CLEC16A: variants seen among roughly 807,000 people sequenced by gnomAD.
The protein encoded by CLEC16A is C-type lectin domain containing 16A.
In CLEC16A, 51 loss-of-function variants were observed where a neutral mutation model predicts 109.5. The ratio of observed to expected loss-of-function variants is 0.47; its 90% CI spans 0.37 to 0.59. The LOEUF (loss-of-function observed/expected upper bound fraction) is 0.59, where lower values mean the gene tolerates loss of function less well. CLEC16A is among the 20% of genes least tolerant of loss of function. CLEC16A has a pLI of 0.00. For synonymous variants in CLEC16A, 673 were observed against 564.2 expected, an observed-to-expected ratio of 1.19 and a Z score of -2.73; for missense variants, 1,339 against 1,394.0, an observed-to-expected ratio of 0.96 and a Z score of 0.63.
chr16:11,017,742 C>T (rs2045843960), intron 11 of CLEC16A, among the ~76,000 whole-genome samples: 1 of 152,094 alleles, frequency 6.6e-6, no homozygotes, highest in African/African-American at 2.4e-5. Flanking sequence ...AAACCTGTAA[C>T]CCCAGTCTAA....
chr16:11,140,769 C>G (rs567288964), intron 22 of CLEC16A, among the ~76,000 whole-genome samples: 2 of 152,140 alleles, frequency 1.3e-5, no homozygotes, highest in African/African-American at 2.4e-5. Flanking sequence ...ACAGCCCTGC[C>G]GAGGAAGCCA....
At chr16:11,012,594 C>CAAAAAA (rs551902895) in intron 11 of CLEC16A, among the ~76,000 whole-genome samples, 20 of 67,932 alleles carry the variant, frequency 2.9e-4, no homozygotes, top group Middle Eastern at 0.019. Context: ...GACTCCGTCT[C>CAAAAAA]AAAAAAAAAA....
intron 2 of CLEC16A, among the ~76,000 whole-genome samples, chr16:10,958,114 G>A (rs1342039822): frequency 6.6e-6 from 1 of 151,678 alleles, no homozygotes; most frequent in Non-Finnish European, 1.5e-5. Context: ...GGGAAGTTAT[G>A]GAAATGAGTG....
chr16:11,090,909 A>G (rs1352326543), intron 19 of CLEC16A, among the ~76,000 whole-genome samples: 1 of 147,638 alleles, frequency 6.8e-6, no homozygotes, highest in African/African-American at 2.5e-5. Flanking sequence ...ACCTCAAGTA[A>G]TCCACCCACC....
intron 23 of CLEC16A, among the ~76,000 whole-genome samples, chr16:11,167,462 A>G (rs1010970684): frequency 3.3e-5 from 5 of 152,094 alleles, no homozygotes; most frequent in Admixed American, 3.3e-4. Context: ...GGATTGATTG[A>G]TCATGGCAGG....
intron 21 of CLEC16A, among the ~76,000 whole-genome samples, chr16:11,125,531 T>G (rs2052742157): frequency 6.6e-6 from 1 of 152,212 alleles, no homozygotes; most frequent in Non-Finnish European, 1.5e-5. Flanking sequence ...CACATGTACA[T>G]GCACATCCAT....
At chr16:11,076,842 C>A (rs1044958459) in intron 19 of CLEC16A, among the ~76,000 whole-genome samples, 2 of 152,226 alleles carry the variant, frequency 1.3e-5, no homozygotes, top group Non-Finnish European at 2.9e-5. Flanking sequence ...TGCACACTCT[C>A]CAGCCCACCC....
chr16:11,169,849 G>C lies in CLEC16A; in HGVS notation c.2806+3297G>C, dbSNP rs544961950. Among the ~76,000 whole-genome samples, 3 of 152,280 alleles carry C rather than the reference G, an allele frequency of 2.0e-5. No homozygotes were observed. The East Asian group carries it at 5.8e-4, about 29-fold the overall frequency. Reference sequence around the variant, plus strand: ...TCTCAGTGTGCACCTGCTGTGTGGCGTCCCAGTAGATACTCCTCCTGAAAT... The same window carrying C: ...TCTCAGTGTGCACCTGCTGTGTGGCCTCCCAGTAGATACTCCTCCTGAAAT... On this transcript the variant is annotated intron_variant, in intron 23 of 23. Transcript: ENST00000409790.
chr16:11,101,245 C>G (rs2050897295), intron 19 of CLEC16A, among the ~76,000 whole-genome samples: 1 of 152,150 alleles, frequency 6.6e-6, no homozygotes, highest in Non-Finnish European at 1.5e-5. Context: ...CCTAGTGTCC[C>G]CAGTTCCTGG....
At chr16:11,176,874 T>C (rs2068769394) in intron 23 of CLEC16A, among the ~76,000 whole-genome samples, 1 of 152,252 alleles carries the variant, frequency 6.6e-6, no homozygotes, top group Admixed American at 6.5e-5. Context: ...GGAGCTCTCT[T>C]CCTCTCCCTC....
chr16:11,134,713 C>T (rs772709456), intron 22 of CLEC16A, among the ~76,000 whole-genome samples: 1 of 152,176 alleles, frequency 6.6e-6, no homozygotes, highest in East Asian at 1.9e-4. Context: ...TGTCGACACT[C>T]AAAAAGTTTT....
chr16:11,075,214 G>A (rs1012384237), intron 19 of CLEC16A, among the ~76,000 whole-genome samples: 5 of 152,164 alleles, frequency 3.3e-5, no homozygotes, highest in African/African-American at 1.2e-4. Flanking sequence ...CAAAGGAAGG[G>A]ACTTAGTGGC....
intron 11 of CLEC16A, among the ~76,000 whole-genome samples, chr16:11,018,459 A>G (rs773634550): frequency 1.3e-5 from 2 of 150,308 alleles, no homozygotes; most frequent in Non-Finnish European, 1.5e-5. Flanking sequence ...TTGGATAGAA[A>G]CAAGCTTGGG....
At position 11,181,441 on chromosome 16, in the gene CLEC16A, T is replaced by C. The variant is rs200034152; in HGVS notation, c.*2751T>C. 1.3e-5 allele frequency: 2 copies of C among 152,412 alleles called. No individual in the cohort carries two copies. The highest frequency in any genetic ancestry group is 2.4e-5 in the African/African-American group (1 of 41,470). 9.4% of individuals were successfully genotyped at this position (152,412 alleles called of 1,614,324 possible). On this transcript the variant is annotated 3_prime_UTR_variant, in exon 24 of 24. Coordinates refer to ENST00000409790, the MANE Select transcript of CLEC16A (RefSeq NM_015226.3). ...TCCCTGCAGAGAGCACTTAGAGTTA[T>C]GGCCCAGGCCCTGGTCCACCCTTCC...
chr16:11,051,068 G>A (rs193129287), intron 17 of CLEC16A, among the ~76,000 whole-genome samples: 4 of 152,322 alleles, frequency 2.6e-5, no homozygotes, highest in Middle Eastern at 3.4e-3. Flanking sequence ...AGCTTGCAGC[G>A]GAATCAGCTC....
Position 11,174,490 on chromosome 16 carries a change from GACCTTCGCGACAGTCCTTC to G in CLEC16A, c.2807-3825_2807-3807del, listed in dbSNP as rs1430035095. Among the ~76,000 whole-genome samples the G allele has an allele frequency of 9.2e-5, 14 of 152,294 alleles. No homozygotes were observed. The East Asian group carries it at 2.1e-3, about 23-fold the overall frequency. ...TGTGAAGACCAGATCCCCGGCCCTT[GACCTTCGCGACAGTCCTTC>G]ACCTTCGCGACAGTCCTTCTGAGCC... On this transcript the variant is annotated intron_variant, in intron 23 of 23. Transcript: ENST00000409790. The surrounding 1 kb of genome is among the most constrained non-coding windows in gnomAD (Gnocchi z 4.7).
intron 22 of CLEC16A, among the ~76,000 whole-genome samples, chr16:11,141,332 C>G (rs189212866): frequency 7.2e-5 from 11 of 152,258 alleles, no homozygotes; most frequent in African/African-American, 2.7e-4. Context: ...CTCCTGCAAC[C>G]CGTCCTAGGC....
chr16:10,985,765 T>G (rs1030375508), intron 10 of CLEC16A, among the ~76,000 whole-genome samples: 31 of 135,732 alleles, frequency 2.3e-4, no homozygotes, highest in African/African-American at 8.2e-4. Flanking sequence ...TCGCCCAGGC[T>G]GGAGTGCAGT....
chr16:11,099,127 G>A (rs2050764989), intron 19 of CLEC16A, among the ~76,000 whole-genome samples: 1 of 152,214 alleles, frequency 6.6e-6, no homozygotes, highest in African/African-American at 2.4e-5. Flanking sequence ...TGTGGCCAGA[G>A]CGCCCCATTC....
Sources: gnomAD v4.1 joint callset for allele counts (sites outside exome capture counted in the v4.1 genomes callset) on GRCh38, gnomAD v4.1.1 for gene constraint, Gnocchi (gnomAD v3.1) non-coding constraint, MANE v1.5 for transcripts, NCBI Gene and HGNC (gene_info 2026-07-23, HGNC 2026-07-21) for gene names.